The following NBPF12 variants were observed in gnomAD, a reference collection of about 807,000 sequenced individuals.
The protein encoded by NBPF12 is NBPF member 12, also known as NBPF family member NBPF12.
Under a neutral mutation model 146.4 loss-of-function variants are expected in NBPF12, and 115 were observed. The ratio of observed to expected loss-of-function variants is 0.79; its 90% CI spans 0.68 to 0.92. The LOEUF (loss-of-function observed/expected upper bound fraction) is 0.92, where lower values mean the gene tolerates loss of function less well. Ranked by LOEUF, NBPF12 falls within the 40% of genes least tolerant of loss-of-function variation. The pLI is 0.00. For synonymous variants in NBPF12, 385 were observed against 508.9 expected (o/e 0.76, Z 3.28); for missense variants, 1,205 against 1,326.8 (o/e 0.91, Z 1.43).
At chr1:146,966,720 G>C in intron 9 of NBPF12, 47 bp downstream of exon 12, 1 of 1,057,284 alleles carries the variant, frequency 9.5e-7, no homozygotes, top group East Asian at 2.4e-5. Flanking sequence ...ACAACGTCCT[G>C]TCTTCTCTCT....
chr1:146,983,932 G>A, intron 20 of NBPF12, among the ~76,000 whole-genome samples: 1 of 146,466 alleles, frequency 6.8e-6, no homozygotes, highest in Non-Finnish European at 1.5e-5. Flanking sequence ...CAACACAGGG[G>A]AATTTTGCCC....
intron 9 of NBPF12, among the ~76,000 whole-genome samples, chr1:146,967,977 T>TA (rs1379824517): frequency 4.1e-4 from 60 of 146,254 alleles, no homozygotes; most frequent in African/African-American, 1.5e-3. Flanking sequence ...AAGATATGAT[T>TA]AAAAAATCAA....
intron 1 of NBPF12, among the ~76,000 whole-genome samples, chr1:146,940,361 C>T (rs1346896004): frequency 6.6e-6 from 1 of 151,772 alleles, no homozygotes; most frequent in Non-Finnish European, 1.5e-5. Flanking sequence ...TCCAGCATTT[C>T]GGGAGGCCAA....
upstream of NBPF12, among the ~76,000 whole-genome samples, chr1:146,946,722 G>C (rs1401906083): frequency 2.0e-4 from 30 of 148,832 alleles, no homozygotes; most frequent in African/African-American, 7.2e-4. Context: ...TTCATTAGTA[G>C]ATTGTGCTTT....
At chr1:146,981,001 AC>A (rs1423882862) in intron 19 of NBPF12, among the ~76,000 whole-genome samples, 1 of 138,258 alleles carries the variant, frequency 7.2e-6, no homozygotes, top group Non-Finnish European at 1.5e-5. Flanking sequence ...GAAGCTGGAA[AC>A]CATCATTCTC....
upstream of NBPF12, among the ~76,000 whole-genome samples, chr1:146,948,299 G>T (rs1423042655): frequency 6.6e-6 from 1 of 151,824 alleles, no homozygotes; most frequent in African/African-American, 2.4e-5. Flanking sequence ...TATGAGCCAC[G>T]GCCTGACCTG....
intron 19 of NBPF12, among the ~76,000 whole-genome samples, chr1:146,982,403 T>A (rs1308086369): frequency 6.6e-6 from 1 of 150,644 alleles, no homozygotes; most frequent in Non-Finnish European, 1.5e-5. Context: ...TCCCATGTGT[T>A]TAAATCCAGG....
At chr1:146,994,714 G>T (rs1043489) in exon 34 of NBPF12, 26 of 1,414,228 alleles carry the variant, frequency 1.8e-5, no homozygotes, top group Non-Finnish European at 2.1e-5. Context: ...CCTATTCTCA[G>T]AGCATGCCAG....
At chr1:146,978,578 G>C (rs1553887653) in intron 18 of NBPF12, among the ~76,000 whole-genome samples, 16,384 of 151,318 alleles carry the variant, frequency 0.11, 749 homozygotes, top group East Asian at 0.21. Context: ...TATCAGTCGT[G>C]TTTCATGTAT....
At chr1:146,967,255 C>G (rs1459983083) in intron 9 of NBPF12, among the ~76,000 whole-genome samples, 1 of 150,608 alleles carries the variant, frequency 6.6e-6, no homozygotes, top group Non-Finnish European at 1.5e-5. Context: ...GTAATCCCAG[C>G]CCTTTGGGAG....
chr1:146,969,856 G>C (rs1489871664), intron 11 of NBPF12, among the ~76,000 whole-genome samples: 3 of 151,030 alleles, frequency 2.0e-5, no homozygotes, highest in Admixed American at 6.6e-5. Context: ...AGTTTTAAAG[G>C]ACAGGAAGGA....
intron 19 of NBPF12, among the ~76,000 whole-genome samples, chr1:146,982,585 C>T (rs1657462924): frequency 6.6e-6 from 1 of 151,928 alleles, no homozygotes; most frequent in African/African-American, 2.4e-5. Flanking sequence ...GACTTGAATG[C>T]TGCGTGTAAA....
intron 31 of NBPF12, 114 bp from the exon 35 acceptor site, chr1:146,992,598 A>G (rs1570903257): frequency 2.8e-6 from 2 of 706,024 alleles, no homozygotes; most frequent in Admixed American, 2.1e-5. Context: ...TCATTAATGG[A>G]TCTATCCTTT....
rs1418882953 is a variant in NBPF12 at position 146,967,362 on chromosome 1, G to A, written c.988+689G>A. On this transcript the variant is annotated intron_variant, in intron 9 of 33. Transcript: ENST00000617844. ...CTAAAAATACAAAAAGTAGATGGGCGTGGTGGCAGGTGACTGTAATCACTC... is the reference window on the plus strand; with the variant it reads ...CTAAAAATACAAAAAGTAGATGGGCATGGTGGCAGGTGACTGTAATCACTC... 2.9e-4 allele frequency among the ~76,000 whole-genome samples: 44 copies of A among 151,016 alleles called. 1 individual carries two copies. Among genetic ancestry groups the A allele is most frequent in the East Asian group, 5.8e-4 (3 of 5,156 alleles).
chr1:146,949,750 T>TG (rs1382617910), intron 1 of NBPF12, among the ~76,000 whole-genome samples: 6 of 150,994 alleles, frequency 4.0e-5, no homozygotes, highest in African/African-American at 1.5e-4. Context: ...TTCTTGTTTG[T>TG]GGGGGACTGA....
intron 1 of NBPF12, among the ~76,000 whole-genome samples, chr1:146,941,277 G>C (rs1203822374): frequency 6.6e-6 from 1 of 151,630 alleles, no homozygotes; most frequent in Non-Finnish European, 1.5e-5. Context: ...TAGACATGGG[G>C]TTTTGCCATG....
At chr1:146,978,576 G>A (rs1553887650) in intron 18 of NBPF12, among the ~76,000 whole-genome samples, 3 of 151,982 alleles carry the variant, frequency 2.0e-5, no homozygotes, top group East Asian at 1.9e-4. Context: ...TCTATCAGTC[G>A]TGTTTCATGT....
intron 2 of NBPF12, among the ~76,000 whole-genome samples, chr1:146,954,389 C>CAAA (rs1170420550): frequency 0.027 from 635 of 23,904 alleles, no homozygotes; most frequent in Admixed American, 0.031. Flanking sequence ...GACTCTGTCT[C>CAAA]AAAAAAAAAA....
rs1655659619 is a variant in NBPF12, at chr1:146,957,783, ACT to A, written c.-183-2073_-183-2072del. 2 of 130,046 alleles carry A rather than the reference ACT, an allele frequency of 1.5e-5. 1 individual carries two copies. Among genetic ancestry groups the A allele is most frequent in the Admixed American group, 1.6e-4 (2 of 12,480 alleles). 8.1% of individuals were successfully genotyped at this position (130,046 alleles called of 1,614,324 possible). ...TGCAGGTGCTGTCCTCCTCGCCACG[ACT>A]CTGCTAGCTGTGCAGTAGCCCTCGC... On this transcript the variant is annotated intron_variant, in intron 2 of 33. Coordinates refer to ENST00000617844, the Ensembl canonical transcript of NBPF12.
Sources: allele counts gnomAD v4.1 joint callset (sites outside exome capture counted in the v4.1 genomes callset), GRCh38; gene constraint gnomAD v4.1.1; transcripts MANE v1.5; gene names NCBI Gene and HGNC (gene_info 2026-07-23, HGNC 2026-07-21).